ZDHHC7: variants seen among roughly 807,000 people sequenced by gnomAD.
The protein encoded by ZDHHC7 is zDHHC palmitoyltransferase 7.
ZDHHC7 carries 12 observed loss-of-function variants against 34.1 expected under a neutral mutation model. That is an observed-to-expected ratio of 0.35 (90% confidence interval 0.23 to 0.57). ZDHHC7 has a LOEUF of 0.57. ZDHHC7 is among the 20% of genes least tolerant of loss of function. The pLI is 0.84. For missense variants in ZDHHC7, 388 were observed against 402.7 expected (o/e 0.96, Z 0.31); for synonymous variants, 185 against 155.4 (o/e 1.19, Z -1.42).
intron 3 of ZDHHC7, among the ~76,000 whole-genome samples, chr16:84,987,827 G>A (rs1370612572): frequency 6.6e-6 from 1 of 152,192 alleles, no homozygotes; most frequent in Non-Finnish European, 1.5e-5. Flanking sequence ...GCAATGCCTG[G>A]TGAGAGCCAG....
At chr16:85,013,327 C>A (rs1255451093), upstream of ZDHHC7, among the ~76,000 whole-genome samples, 1 of 151,878 alleles carries the variant, frequency 6.6e-6, no homozygotes, top group East Asian at 1.9e-4. Context: ...ACTGTAACCT[C>A]CACTTCCGGG....
At chr16:85,012,703 G>A (rs1238288369), upstream of ZDHHC7, among the ~76,000 whole-genome samples, 2 of 152,020 alleles carry the variant, frequency 1.3e-5, no homozygotes, top group Non-Finnish European at 2.9e-5. Context: ...TCAGGAGTTC[G>A]AAACTATCCT....
the ZDHHC7 span, among the ~76,000 whole-genome samples, chr16:85,016,676 C>T: frequency 9.2e-5 from 14 of 151,594 alleles, no homozygotes; most frequent in African/African-American, 3.4e-4. Context: ...CTATATTGCC[C>T]AGGCTAGTCT....
chr16:85,014,493 A>C (rs558945106), upstream of ZDHHC7, among the ~76,000 whole-genome samples: 1 of 152,298 alleles, frequency 6.6e-6, no homozygotes, highest in African/African-American at 2.4e-5. Flanking sequence ...CAGGACAATA[A>C]AGAAGGCAGT....
At chr16:85,008,907 C>T (rs913610262) in intron 1 of ZDHHC7, among the ~76,000 whole-genome samples, 2 of 151,776 alleles carry the variant, frequency 1.3e-5, no homozygotes, top group African/African-American at 2.4e-5. Context: ...TAGCCAGCCA[C>T]GGTGGCTCAG....
intron 1 of ZDHHC7, among the ~76,000 whole-genome samples, chr16:85,007,733 G>A (rs2143752804): frequency 6.6e-6 from 1 of 152,148 alleles, no homozygotes; most frequent in Middle Eastern, 3.4e-3. Context: ...CCTGTGGCCT[G>A]TGTCTCCTCC....
chr16:84,996,726 A>G (rs918135204), intron 1 of ZDHHC7, among the ~76,000 whole-genome samples: 8 of 152,080 alleles, frequency 5.3e-5, no homozygotes, highest in African/African-American at 1.9e-4. Flanking sequence ...TCGTAGCTCC[A>G]TTATAAAAAA....
chr16:84,990,558 C>T lies in ZDHHC7; in HGVS notation c.61G>A (p.Asp21Asn), dbSNP rs2072496392. ...VEHHPLLAEN[D>N]NYDSSSSSSS... is the part of the protein sequence containing the mutation. ...GAGGACGATGAAGAGTCATAGTTGT[C>T]ATTTTCAGCCAGGAGAGGATGATGC... is the stretch of plus-strand genomic sequence containing the variant. The change falls in exon 3 of 8, where the codon GAC becomes AAC. Residue 21 changes from aspartate (D) to asparagine (N), a missense_variant. Transcript: ENST00000313732. The T allele has an allele frequency of 1.9e-6, 3 of 1,614,150 alleles. No individual in the cohort carries two copies. Among genetic ancestry groups the T allele is most frequent in the Non-Finnish European group, 2.5e-6 (3 of 1,180,024 alleles).
chr16:85,020,394 T>C, the ZDHHC7 span, among the ~76,000 whole-genome samples: 1 of 152,228 alleles, frequency 6.6e-6, no homozygotes, highest in African/African-American at 2.4e-5. Context: ...TTATGGAGCT[T>C]AGAGTCCATT....
Position 84,981,710 on chromosome 16 carries a change from AC to A in ZDHHC7, c.440+159del, listed in dbSNP as rs375462854. ...GCACCGGCCCTTTACTCAGCTCCCT[AC>A]CCCAGAAAGAACATGACACCTACGG... On this transcript the variant is annotated intron_variant, in intron 4 of 7. Transcript: ENST00000313732. Among the ~76,000 whole-genome samples, 256 of 152,202 alleles carry A rather than the reference AC, an allele frequency of 1.7e-3. 2 individuals carry two copies. Among genetic ancestry groups the A allele is most frequent in the African/African-American group, 5.9e-3 (245 of 41,528 alleles).
chr16:85,027,500 G>A, the ZDHHC7 span, among the ~76,000 whole-genome samples: 1 of 152,164 alleles, frequency 6.6e-6, no homozygotes, highest in Non-Finnish European at 1.5e-5. Flanking sequence ...CCACTCACCT[G>A]TTTGCACCGG....
At chr16:84,979,346 C>T in intron 4 of ZDHHC7, 61 bp from the exon 5 acceptor site, 2 of 1,560,890 alleles carry the variant, frequency 1.3e-6, no homozygotes, top group Non-Finnish European at 1.7e-6. Context: ...AGTAACACAA[C>T]CAAATAAAAT....
Position 84,978,623 on chromosome 16 carries a change from G to C in ZDHHC7, c.537+566C>G, listed in dbSNP as rs1451086022. Among the ~76,000 whole-genome samples, 3 of 152,176 alleles carry C rather than the reference G, an allele frequency of 2.0e-5. No individual in the cohort carries two copies. The East Asian group carries it at 5.8e-4, about 30-fold the overall frequency. ...CACGACTGTAATCCTAGCACTTTGG[G>C]AGGCCGAGGTGGGCGGATCGCCTGA... On this transcript the variant is annotated intron_variant, in intron 5 of 7. Coordinates refer to ENST00000313732, the MANE Select transcript of ZDHHC7 (RefSeq NM_017740.3).
At chr16:84,988,641 A>G (rs1326991211) in intron 3 of ZDHHC7, 1 of 820,740 alleles carries the variant, frequency 1.2e-6, no homozygotes, top group Non-Finnish European at 2.0e-6. Flanking sequence ...TGGACTGCTG[A>G]GTAGCTGTAG....
At chr16:85,022,031 G>C in the ZDHHC7 span, among the ~76,000 whole-genome samples, 3 of 151,040 alleles carry the variant, frequency 2.0e-5, no homozygotes, top group African/African-American at 7.3e-5. Context: ...GTGGTGGCGG[G>C]CGCCTGTAGT....
chr16:85,025,792 T>C, the ZDHHC7 span, among the ~76,000 whole-genome samples: 1 of 152,250 alleles, frequency 6.6e-6, no homozygotes, highest in Non-Finnish European at 1.5e-5. Context: ...CAGGCCCAGA[T>C]ATATATTTCC....
the ZDHHC7 span, among the ~76,000 whole-genome samples, chr16:85,023,740 T>C: frequency 5.9e-5 from 9 of 151,988 alleles, no homozygotes; most frequent in Non-Finnish European, 1.3e-4. Context: ...AACCTCAGGC[T>C]TCCAAGTAGC....
At chr16:84,990,656 G>C (rs1597545922) in intron 2 of ZDHHC7, 21 bp from the exon 3 acceptor site, 3 of 1,590,388 alleles carry the variant, frequency 1.9e-6, no homozygotes, top group African/African-American at 2.7e-5. Flanking sequence ...GGACGACACA[G>C]AGCTGGTAAG....
intron 1 of ZDHHC7, among the ~76,000 whole-genome samples, chr16:84,998,952 A>C (rs1248545159): frequency 6.6e-6 from 1 of 152,006 alleles, no homozygotes; most frequent in Admixed American, 6.6e-5. Flanking sequence ...ACAGGGTTTC[A>C]CCATGTTAGC....
Sources: gnomAD v4.1 joint callset for allele counts (sites outside exome capture counted in the v4.1 genomes callset) on GRCh38, gnomAD v4.1.1 for gene constraint, MANE v1.5 for transcripts, NCBI Gene and HGNC (gene_info 2026-07-23, HGNC 2026-07-21) for gene names.